Variants in CHRM3 observed in about 807,000 individuals in gnomAD.
CHRM3 encodes the protein muscarinic acetylcholine receptor M3.
Under a neutral mutation model 41.8 loss-of-function variants are expected in CHRM3, and 11 were observed. The observed-to-expected ratio is 0.26, with a 90% confidence interval of 0.17 to 0.44. The LOEUF is 0.44. CHRM3 is among the 20% of genes least tolerant of loss of function. The pLI, the probability that CHRM3 is intolerant of heterozygous loss-of-function variation, is 1.00. For synonymous variants in CHRM3, 297 were observed against 301.4 expected, an observed-to-expected ratio of 0.99 and a Z score of 0.15; for missense variants, 571 against 745.4, an observed-to-expected ratio of 0.77 and a Z score of 2.72.
At chr1:239,401,322 T>C (rs1659954137) in intron 1 of CHRM3, among the ~76,000 whole-genome samples, 1 of 152,116 alleles carries the variant, frequency 6.6e-6, no homozygotes, top group Non-Finnish European at 1.5e-5. Context: ...CAGATCTTCT[T>C]CCTCCCACAC....
At chr1:239,753,861 A>T (rs1666031689) in intron 5 of CHRM3, among the ~76,000 whole-genome samples, 1 of 152,224 alleles carries the variant, frequency 6.6e-6, no homozygotes, top group Non-Finnish European at 1.5e-5. Context: ...ATTTTTCTAC[A>T]GAGTAAGAAA....
At position 239,844,580 on chromosome 1, in the gene CHRM3, C is replaced by T. The variant is rs372687094; in HGVS notation, c.-20+17202C>T. ...TAACTCAAATTCAGGAAGAATTTCC[C>T]GAGCGTTAGAGCTATATGCTGGTAA... On this transcript the variant is annotated intron_variant, in intron 6 of 6. Transcript: ENST00000676153. 8.5e-5 allele frequency among the ~76,000 whole-genome samples: 13 copies of T among 152,168 alleles called. No individual in the cohort carries two copies. In the East Asian group the frequency reaches 9.7e-4, roughly 11 times the overall value.
chr1:239,773,104 T>C (rs766357214), intron 5 of CHRM3, among the ~76,000 whole-genome samples: 16 of 152,138 alleles, frequency 1.1e-4, no homozygotes, highest in Non-Finnish European at 8.8e-5. Context: ...TTTGGGAAAG[T>C]CTACAACATA....
chr1:239,816,332 G>A (rs145177602), intron 5 of CHRM3, among the ~76,000 whole-genome samples: 119 of 152,300 alleles, frequency 7.8e-4, no homozygotes, highest in African/African-American at 2.8e-3. Flanking sequence ...CTCCACCGGT[G>A]TTGCTCCTTT....
intron 6 of CHRM3, among the ~76,000 whole-genome samples, chr1:239,890,700 T>G (rs1399339810): frequency 6.6e-6 from 1 of 152,168 alleles, no homozygotes; most frequent in Non-Finnish European, 1.5e-5. Flanking sequence ...TTGTATATGC[T>G]ATGTACAACA....
chr1:239,680,365 G>A (rs979212650), intron 5 of CHRM3, among the ~76,000 whole-genome samples: 1 of 152,104 alleles, frequency 6.6e-6, no homozygotes. Context: ...AATTTTAGGA[G>A]CAAATGGAAG....
chr1:239,580,279 C>T (rs1265216483), intron 3 of CHRM3, among the ~76,000 whole-genome samples: 3 of 144,810 alleles, frequency 2.1e-5, no homozygotes, highest in Non-Finnish European at 4.7e-5. Context: ...CACACACACA[C>T]ACACACACAC....
At chr1:239,454,739 A>T (rs1664796959) in intron 1 of CHRM3, among the ~76,000 whole-genome samples, 2 of 152,142 alleles carry the variant, frequency 1.3e-5, no homozygotes, top group African/African-American at 4.8e-5. Flanking sequence ...GTTTGCAAGG[A>T]ACAGGAGAGA....
At chr1:239,400,433 G>C (rs1659871427) in intron 1 of CHRM3, among the ~76,000 whole-genome samples, 1 of 151,896 alleles carries the variant, frequency 6.6e-6, no homozygotes, top group East Asian at 1.9e-4. Flanking sequence ...TTTTTCCTTT[G>C]CCATGCAGAA....
chr1:239,480,116 C>T (rs1274475121), intron 1 of CHRM3, among the ~76,000 whole-genome samples: 1 of 151,904 alleles, frequency 6.6e-6, no homozygotes, highest in Non-Finnish European at 1.5e-5. Flanking sequence ...AATTCTACAT[C>T]TAGAAAAAAT....
intron 5 of CHRM3, among the ~76,000 whole-genome samples, chr1:239,822,874 A>G (rs1413481426): frequency 1.3e-5 from 2 of 152,218 alleles, no homozygotes; most frequent in Non-Finnish European, 2.9e-5. Flanking sequence ...TACTTAGAGT[A>G]AAATGTTATA....
intron 1 of CHRM3, among the ~76,000 whole-genome samples, chr1:239,465,964 C>A (rs540273695): frequency 6.6e-6 from 1 of 152,084 alleles, no homozygotes; most frequent in Admixed American, 6.6e-5. Flanking sequence ...AGGATGAAAA[C>A]GTTTATGATG....
intron 5 of CHRM3, among the ~76,000 whole-genome samples, chr1:239,791,049 G>GAA (rs35541531): frequency 1.0e-4 from 12 of 115,670 alleles, no homozygotes; most frequent in African/African-American, 2.5e-4. Context: ...CGCTCCTGGA[G>GAA]AAAAAAAAAA....
intron 5 of CHRM3, among the ~76,000 whole-genome samples, chr1:239,762,071 C>T: frequency 6.6e-6 from 1 of 152,134 alleles, no homozygotes; most frequent in East Asian, 1.9e-4. Flanking sequence ...GCCTGTTGCC[C>T]AGGGTCTGAA....
chr1:239,908,347 G>T lies in CHRM3; in HGVS notation c.896G>T (p.Ser299Ile), dbSNP rs1680129183. 4 of 1,614,096 alleles carry T rather than the reference G, an allele frequency of 2.5e-6. No individual in the cohort carries two copies. The East Asian group carries it at 8.9e-5, about 36-fold the overall frequency. Residue 299 changes from serine to isoleucine, a missense_variant, in exon 7 of 7, where the codon AGC becomes ATC. Ser to Ile is a moderately radical substitution (Grantham distance 142). Transcript: ENST00000676153. This position sits in a 1 kb window ranked among gnomAD's most constrained non-coding sequence, Gnocchi z 7.2. The part of the protein sequence containing the change: ...SCSSYELQQQ[S>I]MKRSNRRKYG... ...AGCAGTTACGAACTTCAACAGCAAA[G>T]CATGAAACGCTCCAACAGGAGGAAG...
At chr1:239,853,001 T>C (rs570140451) in intron 6 of CHRM3, among the ~76,000 whole-genome samples, 1 of 152,204 alleles carries the variant, frequency 6.6e-6, no homozygotes, top group Non-Finnish European at 1.5e-5. Context: ...TTTGTTTTTC[T>C]GTGTTCAAAT....
intron 1 of CHRM3, among the ~76,000 whole-genome samples, chr1:239,401,364 A>G (rs1223177655): frequency 1.3e-5 from 2 of 152,010 alleles, no homozygotes; most frequent in East Asian, 1.9e-4. Flanking sequence ...TCTGTAAGAT[A>G]TTTTCCTCTA....
chr1:239,658,613 A>AGGGT (rs1396638311), intron 4 of CHRM3, among the ~76,000 whole-genome samples: 2 of 152,228 alleles, frequency 1.3e-5, no homozygotes, highest in African/African-American at 4.8e-5. Context: ...ATCAATAATA[A>AGGGT]CTGACTGATT....
intron 3 of CHRM3, among the ~76,000 whole-genome samples, chr1:239,577,721 A>G (rs184282080): frequency 5.7e-4 from 87 of 152,330 alleles, no homozygotes; most frequent in African/African-American, 2.1e-3. Context: ...TGAATATGAC[A>G]TCCTAAACAT....
Sources: gnomAD v4.1 joint callset for allele counts (sites outside exome capture counted in the v4.1 genomes callset) on GRCh38, gnomAD v4.1.1 for gene constraint, Gnocchi (gnomAD v3.1) non-coding constraint, MANE v1.5 for transcripts, NCBI Gene and HGNC (gene_info 2026-07-23, HGNC 2026-07-21) for gene names.